ZNF581: variants seen among roughly 807,000 people sequenced by gnomAD.
The protein encoded by ZNF581 is zinc finger protein 581.
ZNF581 carries 1 observed loss-of-function variant against 1.2 expected under a neutral mutation model. The ratio of observed to expected loss-of-function variants is 0.83; its 90% CI spans 0.30 to 3.95. The LOEUF (loss-of-function observed/expected upper bound fraction) is 3.95, where lower values mean the gene tolerates loss of function less well. Among genes scored for constraint, ZNF581 ranks in the 30% most tolerant of loss-of-function variants. The probability of loss-of-function intolerance (pLI) is 0.18; values close to 1 mark genes in which losing one functional copy is unlikely to be tolerated. For synonymous variants in ZNF581, 105 were observed against 109.2 expected (o/e 0.96, Z 0.24); for missense variants, 273 against 274.6 (o/e 0.99, Z 0.04).
chr19:55,642,707 G>A (rs201057685), upstream of ZNF581: 160 of 1,495,740 alleles, frequency 1.1e-4, 1 homozygote, highest in Non-Finnish European at 1.4e-4. Flanking sequence ...CACATACACG[G>A]TGCAGCTGGA....
upstream of ZNF581, among the ~76,000 whole-genome samples, chr19:55,641,472 G>A (rs1982471752): frequency 6.6e-6 from 1 of 152,238 alleles, no homozygotes; most frequent in Non-Finnish European, 1.5e-5. Context: ...GAACGGGCGG[G>A]GGACCACGCT....
upstream of ZNF581, chr19:55,642,924 G>A (rs1982616979): frequency 6.6e-7 from 1 of 1,504,420 alleles, no homozygotes. Context: ...TCGCGGCATC[G>A]CGCCACGCAC....
rs759847195 is a variant in ZNF581 at position 55,645,169 on chromosome 19, G to A, written c.*4G>A. The A allele has an allele frequency of 4.0e-6, 6 of 1,512,774 alleles. No homozygotes were observed. The highest frequency in any genetic ancestry group is 4.4e-5 in the Admixed American group (2 of 45,062). 93.7% of individuals were successfully genotyped at this position (1,512,774 alleles called of 1,614,324 possible). ...CACGCGGTGGAAGCATCCATGAGCC[G>A]GGCTGCCGGGTGCCCCAGGTACCAC... On this transcript the variant is annotated 3_prime_UTR_variant, in exon 2 of 2. Coordinates refer to ENST00000270451, the MANE Select transcript of ZNF581 (RefSeq NM_016535.4).
At chr19:55,639,021 A>AG (rs1347515434), upstream of ZNF581, among the ~76,000 whole-genome samples, 58 of 151,002 alleles carry the variant, frequency 3.8e-4, no homozygotes, top group African/African-American at 1.2e-3. Flanking sequence ...AAAAAAAAAA[A>AG]AAAGAAAAAA....
upstream of ZNF581, chr19:55,641,151 C>A: frequency 1.0e-6 from 1 of 985,426 alleles, no homozygotes; most frequent in Non-Finnish European, 1.2e-6. Flanking sequence ...GACCTCGGCC[C>A]GTTCCTCCGG....
upstream of ZNF581, among the ~76,000 whole-genome samples, chr19:55,636,554 T>G (rs1380711916): frequency 6.6e-6 from 1 of 152,172 alleles, no homozygotes; most frequent in Non-Finnish European, 1.5e-5. Flanking sequence ...TCGAATTGAT[T>G]CCTTACCGTT....
upstream of ZNF581, among the ~76,000 whole-genome samples, chr19:55,638,929 C>T (rs1017618964): frequency 1.6e-4 from 22 of 134,348 alleles, no homozygotes; most frequent in East Asian, 1.4e-3. Flanking sequence ...CACCTGAGCC[C>T]GGGAGTTGGA....
At chr19:55,642,381 TAGTC>T (rs201655575), upstream of ZNF581, 2,342 of 1,292,590 alleles carry the variant, frequency 1.8e-3, 33 homozygotes, top group African/African-American at 0.028. Flanking sequence ...GCTAGGGAGG[TAGTC>T]AGTGGCGCAC....
At chr19:55,642,374 A>G, upstream of ZNF581, 1 of 1,292,450 alleles carries the variant, frequency 7.7e-7, no homozygotes, top group Non-Finnish European at 9.8e-7. Context: ...TTATTTTGCT[A>G]GGGAGGTAGT....
chr19:55,640,535 C>T (rs1982389753), upstream of ZNF581: 4 of 985,486 alleles, frequency 4.1e-6, no homozygotes, highest in Non-Finnish European at 4.8e-6. Flanking sequence ...AAGAACATAC[C>T]TTCCCCAACT....
chr19:55,640,247 G>C (rs923767434), upstream of ZNF581: 10 of 985,350 alleles, frequency 1.0e-5, no homozygotes, highest in African/African-American at 1.7e-5. Context: ...CGGCTGCAGC[G>C]CCACCGCGCG....
At chr19:55,640,988 C>A, upstream of ZNF581, 1 of 985,366 alleles carries the variant, frequency 1.0e-6, no homozygotes, top group Non-Finnish European at 1.2e-6. Context: ...TGGGCTCGCG[C>A]GCTTCCGGCC....
upstream of ZNF581, chr19:55,642,856 C>G (rs777439508): frequency 1.3e-5 from 20 of 1,571,452 alleles, no homozygotes; most frequent in African/African-American, 8.3e-5. Flanking sequence ...CGCACTCGGA[C>G]CTCAAGCCCT....
upstream of ZNF581, among the ~76,000 whole-genome samples, chr19:55,638,348 C>T (rs905732946): frequency 2.6e-5 from 4 of 152,254 alleles, no homozygotes; most frequent in South Asian, 6.2e-4. Flanking sequence ...AAGTGATTCT[C>T]CTGCCTCAGC....
upstream of ZNF581, chr19:55,642,608 G>T: frequency 6.9e-7 from 1 of 1,447,916 alleles, no homozygotes; most frequent in South Asian, 1.5e-5. Context: ...CAAGGCGGAA[G>T]GCCCCTCCTC....
chr19:55,642,576 C>A, upstream of ZNF581: 8 of 1,448,748 alleles, frequency 5.5e-6, no homozygotes, highest in Non-Finnish European at 7.3e-6. Flanking sequence ...GACCCACCGC[C>A]CCCCAAGGCT....
upstream of ZNF581, among the ~76,000 whole-genome samples, chr19:55,637,393 C>T (rs556642033): frequency 1.8e-4 from 28 of 152,170 alleles, no homozygotes; most frequent in South Asian, 4.2e-3. Flanking sequence ...AAAAATTAGC[C>T]GGCCATGGTG....
upstream of ZNF581, among the ~76,000 whole-genome samples, chr19:55,637,599 C>A (rs116921059): frequency 0.092 from 13,973 of 151,958 alleles, 852 homozygotes; most frequent in Middle Eastern, 0.18. Context: ...GCGGAGGCTG[C>A]TGCTGCTATA....
chr19:55,639,006 C>CAAAAA (rs753198174), upstream of ZNF581, among the ~76,000 whole-genome samples: 1 of 88,188 alleles, frequency 1.1e-5, no homozygotes, highest in Non-Finnish European at 2.0e-5. Flanking sequence ...ACTCCATCTC[C>CAAAAA]AAAAAAAAAA....
Sources: gnomAD v4.1 joint callset for allele counts (sites outside exome capture counted in the v4.1 genomes callset) on GRCh38, gnomAD v4.1.1 for gene constraint, MANE v1.5 for transcripts, NCBI Gene and HGNC (gene_info 2026-07-23, HGNC 2026-07-21) for gene names.